The following MACROH2A2 variants were observed in gnomAD, a reference collection of about 807,000 sequenced individuals.
The protein encoded by MACROH2A2 is macroH2A.2 histone.
In MACROH2A2, 6 loss-of-function variants were observed where a neutral mutation model predicts 37.6. The observed-to-expected ratio is 0.16, with a 90% CI of 0.09 to 0.32. MACROH2A2 has a LOEUF of 0.32. Ranked by LOEUF, MACROH2A2 falls within the 10% of genes least tolerant of loss-of-function variation. The pLI, the probability that MACROH2A2 is intolerant of heterozygous loss-of-function variation, is 1.00. For missense variants in MACROH2A2, 290 were observed against 485.9 expected (o/e 0.60, Z 3.79); for synonymous variants, 192 against 202.7 (o/e 0.95, Z 0.45).
intron 4 of MACROH2A2, among the ~76,000 whole-genome samples, chr10:70,093,263 A>G (rs2072256924): frequency 2.6e-5 from 4 of 152,252 alleles, no homozygotes. Flanking sequence ...ACTCAGCAAC[A>G]TTATTGAGGA....
chr10:70,082,728 G>C (rs960441566), intron 2 of MACROH2A2, among the ~76,000 whole-genome samples: 3 of 152,142 alleles, frequency 2.0e-5, no homozygotes, highest in Non-Finnish European at 2.9e-5. Flanking sequence ...ATTTATATGA[G>C]ATACCCAGAG....
At chr10:70,074,525 C>T (rs1050325137) in intron 1 of MACROH2A2, among the ~76,000 whole-genome samples, 152 of 152,290 alleles carry the variant, frequency 1.0e-3, no homozygotes, top group African/African-American at 3.5e-3. Context: ...TCAAACCTAA[C>T]GGATGGTTTG....
intron 1 of MACROH2A2, among the ~76,000 whole-genome samples, chr10:70,072,721 CTG>C (rs2072117741): frequency 6.6e-6 from 1 of 152,102 alleles, no homozygotes; most frequent in African/African-American, 2.4e-5. Context: ...CTTTGGGAGG[CTG>C]AGGAAGATGG....
rs201945968 is a variant in MACROH2A2, at chr10:70,100,318, C to A, written c.778+21C>A. 3.1e-5 allele frequency: 43 copies of A among 1,373,978 alleles called. No individual in the cohort carries two copies. In the African/African-American group the frequency reaches 5.1e-4, roughly 16 times the overall value. The allele number at this position is 1,373,978 out of a possible 1,614,324, so 85.1% of individuals were successfully genotyped here. ...CGAAGGTAAGTGTGGAACTAGGCTC[C>A]TGTCACCAGCATGGCCTCACCCTCC... On this transcript the variant is annotated intron_variant, in intron 7 of 8. Coordinates refer to ENST00000373255, the MANE Select transcript of MACROH2A2 (RefSeq NM_018649.3).
chr10:70,054,004 G>A (rs955523027), intron 1 of MACROH2A2, among the ~76,000 whole-genome samples: 1 of 152,110 alleles, frequency 6.6e-6, no homozygotes, highest in Admixed American at 6.5e-5. Context: ...GCCCCAGCCC[G>A]GCCAGCCCCC....
At position 70,107,642 on chromosome 10, in the gene MACROH2A2, G is replaced by A. The variant is rs1010294156; in HGVS notation, c.779-1391G>A. On this transcript the variant is annotated intron_variant, in intron 7 of 8. Coordinates refer to ENST00000373255, the MANE Select transcript of MACROH2A2 (RefSeq NM_018649.3). This position sits in a 1 kb window ranked among gnomAD's most constrained non-coding sequence, Gnocchi z 4.4. ...TGTCACCAATGGGAACCACATTTAG[G>A]GGAGTAAACAGTAAAACAAAGGAGT... Among the ~76,000 whole-genome samples the A allele has an allele frequency of 6.6e-6, 1 of 152,174 alleles. No homozygotes were observed. The highest frequency in any genetic ancestry group is 2.4e-5 in the African/African-American group (1 of 41,440).
At position 70,075,066 on chromosome 10, in the gene MACROH2A2, A is replaced by G. The variant is rs906811264; in HGVS notation, c.-59-534A>G. Among the ~76,000 whole-genome samples the G allele has an allele frequency of 6.6e-6, 1 of 152,176 alleles. No individual in the cohort carries two copies. Among genetic ancestry groups the G allele is most frequent in the Non-Finnish European group, 1.5e-5 (1 of 68,034 alleles). On this transcript the variant is annotated intron_variant, in intron 1 of 8. Transcript: ENST00000373255. The surrounding 1 kb of genome is among the most constrained non-coding windows in gnomAD (Gnocchi z 5.0). The stretch of plus-strand genomic sequence containing the variant: ...GGGCTAAAGTCAAGGTATCAGCAGG[A>G]CTAATTCCTTCTGATGGCTTTGAGG...
intron 1 of MACROH2A2, among the ~76,000 whole-genome samples, chr10:70,056,676 A>C (rs1010402007): frequency 2.6e-5 from 4 of 152,128 alleles, no homozygotes; most frequent in African/African-American, 9.7e-5. Flanking sequence ...AGGGTAAGGG[A>C]GCGAGGCAGG....
At chr10:70,061,447 T>A (rs1165218829) in intron 1 of MACROH2A2, among the ~76,000 whole-genome samples, 1 of 152,220 alleles carries the variant, frequency 6.6e-6, no homozygotes, top group Non-Finnish European at 1.5e-5. Context: ...AGGCCAATAA[T>A]AAAGAAACAA....
intron 1 of MACROH2A2, among the ~76,000 whole-genome samples, chr10:70,074,798 A>G (rs572126712): frequency 3.3e-5 from 5 of 152,268 alleles, no homozygotes; most frequent in African/African-American, 1.2e-4. Context: ...AGCCACGTGG[A>G]ACTGTGAGTG....
chr10:70,091,883 G>A lies in MACROH2A2; in HGVS notation c.406G>A (p.Gly136Ser). ...CCTCTCCCCACCCCCAGAGAAAAGA[G>A]GCAGGAAGGCCACGTCAGGCAAGAA... ...TILSPPPEKR[G>S]RKATSGKKGG... The change falls in exon 4 of 9, where the codon GGC (glycine) becomes AGC (serine). Residue 136 changes from glycine to serine, a missense_variant. By Grantham distance (56) the Gly-to-Ser change is moderately conservative. Transcript: ENST00000373255. 6.2e-7 allele frequency: 1 copy of A among 1,614,080 alleles called. No individual in the cohort carries two copies. The highest frequency in any genetic ancestry group is 8.5e-7 in the Non-Finnish European group (1 of 1,180,008).
At chr10:70,109,372 G>A (rs1335528654) in intron 8 of MACROH2A2, among the ~76,000 whole-genome samples, 165 bp downstream of exon 8, 1 of 152,242 alleles carries the variant, frequency 6.6e-6, no homozygotes, top group African/African-American at 2.4e-5. Context: ...CAGAAACCAT[G>A]GGGAAGCGAG....
intron 1 of MACROH2A2, among the ~76,000 whole-genome samples, chr10:70,056,741 T>A (rs1295397349): frequency 6.6e-6 from 1 of 152,166 alleles, no homozygotes; most frequent in Non-Finnish European, 1.5e-5. Context: ...TTCTTCAACA[T>A]GATTATGAGA....
At chr10:70,097,571 T>C (rs545667719) in intron 6 of MACROH2A2, among the ~76,000 whole-genome samples, 173 of 152,302 alleles carry the variant, frequency 1.1e-3, no homozygotes, top group Middle Eastern at 6.8e-3. Flanking sequence ...AAAAGTATAA[T>C]GAAACCCTAT....
chr10:70,101,945 C>T (rs1013889570), intron 7 of MACROH2A2, among the ~76,000 whole-genome samples: 1 of 152,160 alleles, frequency 6.6e-6, no homozygotes, highest in East Asian at 1.9e-4. Flanking sequence ...AACATCTGTG[C>T]ACAAGTTTTT....
At chr10:70,108,802 A>G (rs1237785834) in intron 7 of MACROH2A2, among the ~76,000 whole-genome samples, 1 of 152,200 alleles carries the variant, frequency 6.6e-6, no homozygotes, top group Non-Finnish European at 1.5e-5. Context: ...AAAATGGCGC[A>G]TCAGAGCAGC....
intron 2 of MACROH2A2, among the ~76,000 whole-genome samples, chr10:70,079,563 G>GCACACACACA (rs372348727): frequency 0.015 from 917 of 63,084 alleles, 5 homozygotes; most frequent in Non-Finnish European, 0.023. Context: ...GCGCGCGCGC[G>GCACACACACA]CGCACACACA....
At chr10:70,065,482 C>A (rs1030619985) in intron 1 of MACROH2A2, among the ~76,000 whole-genome samples, 1 of 152,094 alleles carries the variant, frequency 6.6e-6, no homozygotes, top group African/African-American at 2.4e-5. Context: ...ATAAATAGAA[C>A]AACTGCCTGA....
At chr10:70,090,952 A>C (rs777484858) in intron 3 of MACROH2A2, among the ~76,000 whole-genome samples, 5 of 152,230 alleles carry the variant, frequency 3.3e-5, no homozygotes, top group African/African-American at 4.8e-5. Flanking sequence ...TCTGCAGAAT[A>C]TATTAGTGGA....
Sources: allele counts gnomAD v4.1 joint callset (sites outside exome capture counted in the v4.1 genomes callset), GRCh38; gene constraint gnomAD v4.1.1; non-coding constraint Gnocchi (gnomAD v3.1); transcripts MANE v1.5; gene names NCBI Gene and HGNC (gene_info 2026-07-23, HGNC 2026-07-21).